Variants in IL1RAPL2 observed in about 807,000 individuals in gnomAD.
IL1RAPL2 encodes the protein interleukin 1 receptor accessory protein like 2.
In IL1RAPL2, 3 loss-of-function variants were observed where a neutral mutation model predicts 44.1. That is an observed-to-expected ratio of 0.07 (90% CI 0.03 to 0.18). The LOEUF is 0.18. Among genes scored for constraint, IL1RAPL2 ranks in the 10% least tolerant of loss-of-function variants. The pLI, the probability that IL1RAPL2 is intolerant of heterozygous loss-of-function variation, is 1.00. For missense variants in IL1RAPL2, 391 were observed against 496.4 expected (o/e 0.79, Z 2.02); for synonymous variants, 181 against 178.8 (o/e 1.01, Z -0.10).
intron 6 of IL1RAPL2, among the ~76,000 whole-genome samples, chrX:105,588,964 A>C (rs1051718062): frequency 7.1e-5 from 8 of 111,905 alleles, no homozygotes; most frequent in African/African-American, 2.6e-4. Flanking sequence ...AGATATCACA[A>C]AACTGCTTTC....
At chrX:105,372,544 C>T (rs1237317783) in intron 5 of IL1RAPL2, among the ~76,000 whole-genome samples, 3 of 110,791 alleles carry the variant, frequency 2.7e-5, no homozygotes, top group East Asian at 2.8e-4. Flanking sequence ...AAACTTGTGT[C>T]ATGGGGTTTG....
chrX:105,119,900 G>T (rs897807232), intron 2 of IL1RAPL2, among the ~76,000 whole-genome samples: 3 of 110,347 alleles, frequency 2.7e-5, no homozygotes, highest in Non-Finnish European at 5.7e-5. Flanking sequence ...AATTAAAACA[G>T]CTACATTTAT....
intron 6 of IL1RAPL2, among the ~76,000 whole-genome samples, chrX:105,486,201 T>C (rs2036265136): frequency 2.7e-5 from 3 of 112,110 alleles, no homozygotes; most frequent in African/African-American, 9.7e-5. Context: ...AAGTTTTGAC[T>C]CAACTTTTGA....
intron 2 of IL1RAPL2, among the ~76,000 whole-genome samples, chrX:104,678,990 A>G (rs191617135): frequency 1.4e-3 from 152 of 111,990 alleles, no homozygotes; most frequent in East Asian, 3.1e-3. Flanking sequence ...AAAGAATTCA[A>G]TTTTCTTAAA....
rs140757454 is a variant in IL1RAPL2 at position 105,565,884 on chromosome X, T to G, written c.772+81497T>G. Among the ~76,000 whole-genome samples, 612 of 111,625 alleles carry G rather than the reference T, an allele frequency of 5.5e-3. 8 individuals are homozygous for G. Among genetic ancestry groups the G allele is most frequent in the African/African-American group, 0.019 (573 of 30,758 alleles). ...CAAAGAAATAAGGAGAAGAAAAGGT[T>G]GTAGGGTAGTCAGGAGAAAAATGTG... On this transcript the variant is annotated intron_variant, in intron 6 of 10. Transcript: ENST00000372582.
At chrX:105,472,894 A>G (rs1359331572) in intron 5 of IL1RAPL2, among the ~76,000 whole-genome samples, 1 of 111,890 alleles carries the variant, frequency 8.9e-6, no homozygotes, top group Non-Finnish European at 1.9e-5. Context: ...ATTATTACAT[A>G]TTCATCCTTG....
chrX:104,997,468 C>T (rs951378999), intron 2 of IL1RAPL2, among the ~76,000 whole-genome samples: 1 of 111,411 alleles, frequency 9.0e-6, no homozygotes, highest in Non-Finnish European at 1.9e-5. Context: ...CAGAAGGTTT[C>T]AAGCAAGTAA....
chrX:104,650,749 G>A (rs1930138456), intron 1 of IL1RAPL2, among the ~76,000 whole-genome samples: 1 of 111,857 alleles, frequency 8.9e-6, no homozygotes, highest in South Asian at 3.7e-4. Context: ...TCGCCACAGT[G>A]AGGTTATAGT....
At chrX:105,559,108 G>A (rs1306004759) in intron 6 of IL1RAPL2, among the ~76,000 whole-genome samples, 1 of 111,680 alleles carries the variant, frequency 9.0e-6, no homozygotes, top group East Asian at 2.8e-4. Context: ...AGACTTTTGG[G>A]TTTCTAGAGT....
rs1198175586 is a variant in IL1RAPL2, at chrX:104,612,926, T to TG, written c.-20+45875_-20+45876insG. ...GTATTCACTGGTATTTTAATTTTTT[T>TG]TGTGGCTACTGTAAATGAGATTACC... On this transcript the variant is annotated intron_variant, in intron 1 of 10. Transcript: ENST00000372582. Among the ~76,000 whole-genome samples, 241 of 111,820 alleles carry TG rather than the reference T, an allele frequency of 2.2e-3. 1 individual carries two copies. Among genetic ancestry groups the TG allele is most frequent in the Non-Finnish European group, 3.3e-3 (173 of 53,155 alleles).
intron 6 of IL1RAPL2, among the ~76,000 whole-genome samples, chrX:105,570,541 T>G (rs5916931): frequency 0.53 from 58,396 of 110,937 alleles, 12,270 homozygotes; most frequent in East Asian, 0.86. Flanking sequence ...CCACAGTGGT[T>G]TTTCTAGTTT....
intron 5 of IL1RAPL2, among the ~76,000 whole-genome samples, chrX:105,298,755 G>A (rs1285288343): frequency 1.8e-5 from 2 of 109,867 alleles, no homozygotes; most frequent in Admixed American, 2.0e-4. Context: ...AAAAGAGAAT[G>A]AGAAAGAGTC....
chrX:105,723,749 T>C (rs1385415409), intron 7 of IL1RAPL2, among the ~76,000 whole-genome samples: 1 of 111,448 alleles, frequency 9.0e-6, no homozygotes, highest in Non-Finnish European at 1.9e-5. Context: ...TGTCCTCACA[T>C]GGCAACAAGG....
At chrX:105,360,296 A>T (rs2035238633) in intron 5 of IL1RAPL2, among the ~76,000 whole-genome samples, 1 of 111,091 alleles carries the variant, frequency 9.0e-6, no homozygotes, top group Non-Finnish European at 1.9e-5. Flanking sequence ...GGCCTATGTC[A>T]ATTGGATTGA....
At chrX:105,696,194 G>A (rs1001972043) in intron 6 of IL1RAPL2, among the ~76,000 whole-genome samples, 5 of 112,229 alleles carry the variant, frequency 4.5e-5, no homozygotes, top group Non-Finnish European at 7.5e-5. Flanking sequence ...ATTAAATAAC[G>A]AGAATCATAG....
chrX:104,922,522 T>C (rs1353941299), intron 2 of IL1RAPL2, among the ~76,000 whole-genome samples: 4 of 112,255 alleles, frequency 3.6e-5, no homozygotes, highest in Non-Finnish European at 7.5e-5. Context: ...ACTAGCATCT[T>C]AGAAAACCAC....
At chrX:105,524,484 G>A (rs1262817591) in intron 6 of IL1RAPL2, among the ~76,000 whole-genome samples, 3 of 109,512 alleles carry the variant, frequency 2.7e-5, no homozygotes, top group Admixed American at 9.9e-5. Flanking sequence ...ATATAGGAAG[G>A]TGTGTTTAAG....
chrX:105,358,674 C>CA (rs66659226), intron 5 of IL1RAPL2, among the ~76,000 whole-genome samples: 622 of 29,542 alleles, frequency 0.021, 8 homozygotes, highest in African/African-American at 0.037. Context: ...GACCCTGTCT[C>CA]AAAAAAAAAA....
At chrX:105,008,321 C>T (rs1410117630) in intron 2 of IL1RAPL2, among the ~76,000 whole-genome samples, 2 of 111,579 alleles carry the variant, frequency 1.8e-5, no homozygotes, top group Non-Finnish European at 3.8e-5. Flanking sequence ...CACATCTTAA[C>T]ATTGCCATGA....
Sources: gnomAD v4.1 joint callset for allele counts (sites outside exome capture counted in the v4.1 genomes callset) on GRCh38, gnomAD v4.1.1 for gene constraint, MANE v1.5 for transcripts, NCBI Gene and HGNC (gene_info 2026-07-23, HGNC 2026-07-21) for gene names.